The following RP1 variants were observed in gnomAD, a reference collection of about 807,000 sequenced individuals.
RP1 encodes oxygen-regulated protein 1.
RP1 carries 16 observed loss-of-function variants against 14.8 expected under a neutral mutation model. The observed-to-expected ratio is 1.08, with a 90% CI of 0.73 to 1.65. RP1 has a LOEUF of 1.65. RP1 is among the 40% of genes most tolerant of loss of function. RP1 has a pLI of 0.00. For missense variants in RP1, 2,631 were observed against 2,535.0 expected (o/e 1.04, Z -0.81); for synonymous variants, 876 against 883.6 (o/e 0.99, Z 0.15).
At chr8:54,811,933 T>G (rs1811006166) in intron 24 of RP1, among the ~76,000 whole-genome samples, 1 of 152,260 alleles carries the variant, frequency 6.6e-6, no homozygotes, top group Non-Finnish European at 1.5e-5. Context: ...CTTGGAGTCT[T>G]GTGGAGGTAG....
At chr8:54,816,980 T>C (rs1388063833) in intron 24 of RP1, among the ~76,000 whole-genome samples, 2 of 152,096 alleles carry the variant, frequency 1.3e-5, no homozygotes, top group African/African-American at 4.8e-5. Context: ...TAGGAGAGTA[T>C]CTTTTTGTCA....
chr8:54,606,633 A>G (rs1204893547), intron 1 of RP1, among the ~76,000 whole-genome samples: 1 of 152,118 alleles, frequency 6.6e-6, no homozygotes, highest in Admixed American at 6.5e-5. Flanking sequence ...TATCCTGCAG[A>G]GTGTTTTCCA....
At position 54,679,976 on chromosome 8, in the gene RP1, G is replaced by T. The variant is rs1249414947; in HGVS notation, c.1717+43G>T. The T allele has an allele frequency of 7.3e-6, 11 of 1,508,046 alleles. No homozygotes were observed. The East Asian group carries it at 2.7e-4, about 37-fold the overall frequency. 93.4% of individuals were successfully genotyped at this position (1,508,046 alleles called of 1,614,324 possible). ...AGCTTGTGGTGCTGGACAGGTCTGG[G>T]AGTTAAAGGAAGGTAGATTTCTAGA... On this transcript the variant is annotated intron_variant, in intron 12 of 22. Transcript: ENST00000636932.
chr8:54,607,527 G>C (rs1398274101), intron 1 of RP1, among the ~76,000 whole-genome samples: 2 of 152,172 alleles, frequency 1.3e-5, no homozygotes, highest in East Asian at 1.9e-4. Context: ...TCTTTTCTCA[G>C]ATCTCCAGTT....
At chr8:54,614,387 C>G (rs367714074), upstream of RP1, among the ~76,000 whole-genome samples, 6 of 152,236 alleles carry the variant, frequency 3.9e-5, no homozygotes, top group South Asian at 8.3e-4. Flanking sequence ...ATTTCTTAGA[C>G]TCACTTATCA....
At chr8:54,847,836 A>G (rs114889521) in intron 25 of RP1, among the ~76,000 whole-genome samples, 1 of 152,174 alleles carries the variant, frequency 6.6e-6, no homozygotes, top group Non-Finnish European at 1.5e-5. Flanking sequence ...ACAGCTAAGT[A>G]GCCCGCACTG....
At chr8:54,796,490 T>A (rs1461762465) in intron 24 of RP1, among the ~76,000 whole-genome samples, 1 of 152,200 alleles carries the variant, frequency 6.6e-6, no homozygotes, top group Non-Finnish European at 1.5e-5. Context: ...TTAATTATGA[T>A]GTAAGTTAAC....
intron 7 of RP1, among the ~76,000 whole-genome samples, chr8:54,664,175 A>G (rs1160166924): frequency 2.6e-5 from 4 of 152,176 alleles, no homozygotes; most frequent in Non-Finnish European, 5.9e-5. Context: ...TTCACTTAGC[A>G]TAATGTCCTC....
chr8:54,617,784 C>G (rs991925440), intron 1 of RP1, among the ~76,000 whole-genome samples: 1 of 152,226 alleles, frequency 6.6e-6, no homozygotes, highest in Non-Finnish European at 1.5e-5. Context: ...TTCCCATGGA[C>G]TCTGTAGGAA....
intron 1 of RP1, among the ~76,000 whole-genome samples, chr8:54,605,206 T>A (rs1369942356): frequency 6.6e-6 from 1 of 152,224 alleles, no homozygotes; most frequent in African/African-American, 2.4e-5. Flanking sequence ...ACACACTGCT[T>A]TGAATGTGTC....
intron 1 of RP1, among the ~76,000 whole-genome samples, chr8:54,588,355 G>T (rs1337580865): frequency 1.3e-5 from 2 of 152,164 alleles, no homozygotes; most frequent in Non-Finnish European, 2.9e-5. Flanking sequence ...GATCAGTGTG[G>T]GATTGAGGAG....
intron 24 of RP1, among the ~76,000 whole-genome samples, chr8:54,809,668 G>GA (rs1000361774): frequency 6.6e-6 from 1 of 152,070 alleles, no homozygotes; most frequent in Non-Finnish European, 1.5e-5. Flanking sequence ...GCTTTGCTAG[G>GA]AAAAAAATAG....
chr8:54,857,075 A>G, exon 27 of RP1: 2 of 1,222,874 alleles, frequency 1.6e-6, no homozygotes, highest in Non-Finnish European at 2.0e-6. Context: ...AATTGAAGAA[A>G]GTTCTGATTA....
Position 54,629,047 on chromosome 8 carries a change from G to A in RP1, c.5165G>A (p.Gly1722Asp). 1.2e-6 allele frequency: 2 copies of A among 1,614,024 alleles called. No individual in the cohort carries two copies. Among genetic ancestry groups the A allele is most frequent in the Non-Finnish European group, 8.5e-7 (1 of 1,179,936 alleles). ...NYCRGDIVEP[G>D]TKQNDDSRIL... The stretch of plus-strand genomic sequence containing the variant: ...TGTAGGGGTGACATTGTAGAACCTG[G>A]TACAAAACAAAATGATGATAGCAGA... Residue 1722 changes from glycine to aspartate, a missense_variant, in exon 4 of 4, where the codon GGT becomes GAT. Gly to Asp is a moderately conservative substitution (Grantham distance 94). Coordinates refer to ENST00000220676, the MANE Select transcript of RP1 (RefSeq NM_006269.2).
chr8:54,699,792 A>G (rs557902495), intron 13 of RP1, among the ~76,000 whole-genome samples: 2 of 152,304 alleles, frequency 1.3e-5, no homozygotes, highest in East Asian at 1.9e-4. Flanking sequence ...CTCTAATAAC[A>G]TTCAAAATTT....
chr8:54,690,941 C>A (rs1336318746), intron 12 of RP1, among the ~76,000 whole-genome samples: 1 of 151,978 alleles, frequency 6.6e-6, no homozygotes, highest in Non-Finnish European at 1.5e-5. Flanking sequence ...GCTAGGAACC[C>A]AAAGCTGTCA....
intron 15 of RP1, among the ~76,000 whole-genome samples, chr8:54,709,361 C>T (rs1265527047): frequency 6.6e-6 from 1 of 152,150 alleles, no homozygotes; most frequent in Non-Finnish European, 1.5e-5. Flanking sequence ...CTTCTGTTTT[C>T]CCTTCCTGAA....
At chr8:54,864,985 A>G (rs978000651) in intron 27 of RP1, among the ~76,000 whole-genome samples, 7 of 152,260 alleles carry the variant, frequency 4.6e-5, no homozygotes, top group African/African-American at 1.4e-4. Context: ...CCAATATGAG[A>G]TAGTTCTACA....
At chr8:54,577,947 CTTTT>C (rs11377826) in intron 1 of RP1, among the ~76,000 whole-genome samples, 1 of 150,290 alleles carries the variant, frequency 6.7e-6, no homozygotes, top group Admixed American at 6.6e-5. Context: ...CAAACATTTT[CTTTT>C]TTTTTTATTA....
Sources: gnomAD v4.1 joint callset for allele counts (sites outside exome capture counted in the v4.1 genomes callset) on GRCh38, gnomAD v4.1.1 for gene constraint, MANE v1.5 for transcripts, NCBI Gene and HGNC (gene_info 2026-07-23, HGNC 2026-07-21) for gene names.